Variants in SAFB2 observed in about 807,000 individuals in gnomAD.
SAFB2 encodes the protein scaffold attachment factor B2.
In SAFB2, 32 loss-of-function variants were observed where a neutral mutation model predicts 100.6. The observed-to-expected ratio is 0.32, with a 90% CI of 0.24 to 0.43. SAFB2 has a LOEUF of 0.43. Among genes scored for constraint, SAFB2 ranks in the 20% least tolerant of loss-of-function variants. The pLI, the probability that SAFB2 is intolerant of heterozygous loss-of-function variation, is 1.00. For synonymous variants in SAFB2, 500 were observed against 439.4 expected (o/e 1.14, Z -1.72); for missense variants, 1,185 against 1,163.4 (o/e 1.02, Z -0.27).
intron 18 of SAFB2, 72 bp from the exon 19 acceptor site, chr19:5,588,052 C>T (rs1191837907): frequency 2.2e-6 from 3 of 1,373,898 alleles, no homozygotes; most frequent in Non-Finnish European, 2.0e-6. Flanking sequence ...GGCGCACCCA[C>T]CCTGACCTCA....
chr19:5,602,001 G>C (rs1474999805), intron 11 of SAFB2, among the ~76,000 whole-genome samples: 2 of 152,162 alleles, frequency 1.3e-5, no homozygotes, highest in African/African-American at 4.8e-5. Flanking sequence ...GCAAAGGCTA[G>C]CCCCTCTTCT....
In SAFB2 at chr19:5,592,873, T is replaced by G. The variant is rs201770103; in HGVS notation, c.2222A>C (p.Tyr741Ser). ...PYDLDRRDDA[Y>S]WPEGKRVAME... ...TGCCACACGCTTTCCTTCTGGCCAA[T>G]AGGCATCATCTCGTCTGTTGGTTTT... Residue 741 changes from tyrosine (Y) to serine (S), a missense_variant, in exon 16 of 21, where the codon TAT (tyrosine) becomes TCT (serine). Physicochemically the swap from Tyr to Ser is moderately radical, Grantham distance 144. This residue lies in a region of SAFB2 where 740 missense variants were observed against 687.1 expected (regional missense o/e 1.08). Transcript: ENST00000252542. 102 of 1,614,058 alleles carry G rather than the reference T, an allele frequency of 6.3e-5. No individual in the cohort carries two copies. The highest frequency in any genetic ancestry group is 3.4e-6 in the Non-Finnish European group (4 of 1,179,958).
At chr19:5,602,905 A>ACC (rs1157478969) in intron 11 of SAFB2, among the ~76,000 whole-genome samples, 100 of 140,088 alleles carry the variant, frequency 7.1e-4, no homozygotes, top group African/African-American at 2.5e-3. Context: ...TAGAGGGCTC[A>ACC]CCGCCCCCCC....
At chr19:5,620,331 T>A (rs1189119672) in intron 2 of SAFB2, among the ~76,000 whole-genome samples, 2 of 152,218 alleles carry the variant, frequency 1.3e-5, no homozygotes, top group African/African-American at 4.8e-5. Context: ...GCACTGATCC[T>A]CCACTGCCTG....
At chr19:5,602,576 G>A (rs961059399) in intron 11 of SAFB2, among the ~76,000 whole-genome samples, 1 of 150,286 alleles carries the variant, frequency 6.7e-6, no homozygotes, top group Non-Finnish European at 1.5e-5. Flanking sequence ...TCCCAGCCTT[G>A]CCGTTTCCCA....
chr19:5,587,381 T>A lies in SAFB2; in HGVS notation c.2724A>T (p.Gln908His), dbSNP rs773375061. Reference sequence around the variant, plus strand: ...CCACGTGGCCCTGGGAATGTCCACCTTGTGCAAAGCCGCCTCGCCTAGGAA... The same window carrying A: ...CCACGTGGCCCTGGGAATGTCCACCATGTGCAAAGCCGCCTCGCCTAGGAA... Reference protein sequence around the residue: ...GGVAGRGGFAQGGHSQGHVVP... With the variant: ...GGVAGRGGFAHGGHSQGHVVP... The change falls in exon 21 of 21, where the codon CAA becomes CAT. Residue 908 changes from glutamine to histidine, a missense_variant. By Grantham distance (24) the Gln-to-His change is conservative. Transcript: ENST00000252542. The surrounding 1 kb of genome is among the most constrained non-coding windows in gnomAD (Gnocchi z 4.9). 6.2e-7 allele frequency: 1 copy of A among 1,612,606 alleles called. No individual in the cohort carries two copies. The highest frequency in any genetic ancestry group is 2.2e-5 in the East Asian group (1 of 44,842).
Position 5,590,069 on chromosome 19 carries a change from G to A in SAFB2, c.2525+209C>T, listed in dbSNP as rs149626831. On this transcript the variant is annotated intron_variant, in intron 18 of 20. Coordinates refer to ENST00000252542, the MANE Select transcript of SAFB2 (RefSeq NM_014649.3). ...GGGGATGGGCCATTCTGGGCGACCTGGACAGCTCCATCCCTGAAAGCCTGT... is the reference window on the plus strand; with the variant it reads ...GGGGATGGGCCATTCTGGGCGACCTAGACAGCTCCATCCCTGAAAGCCTGT... 6.8e-3 allele frequency among the ~76,000 whole-genome samples: 1,042 copies of A among 152,274 alleles called. 8 individuals are homozygous for A. The highest frequency in any genetic ancestry group is 0.024 in the African/African-American group (1,011 of 41,548).
intron 9 of SAFB2, among the ~76,000 whole-genome samples, chr19:5,607,623 C>T (rs1473234971): frequency 6.6e-6 from 1 of 152,214 alleles, no homozygotes; most frequent in Non-Finnish European, 1.5e-5. Context: ...AATAAACAAA[C>T]ATGAACAGAA....
chr19:5,595,826 G>A (rs2052525169), intron 13 of SAFB2, among the ~76,000 whole-genome samples: 1 of 152,248 alleles, frequency 6.6e-6, no homozygotes, highest in African/African-American at 2.4e-5. Context: ...AGGCCTCTCA[G>A]AGCCACGGGC....
At position 5,595,431 on chromosome 19, in the gene SAFB2, T is replaced by C; in HGVS notation, c.1849A>G (p.Ile617Val). 2 of 1,613,830 alleles carry C rather than the reference T, an allele frequency of 1.2e-6. No homozygotes were observed. Among genetic ancestry groups the C allele is most frequent in the Non-Finnish European group, 1.7e-6 (2 of 1,179,976 alleles). The change falls in exon 14 of 21, where the codon ATC (isoleucine) becomes GTC (valine). Residue 617 changes from isoleucine (I) to valine (V), a missense_variant. Physicochemically the swap from Ile to Val is conservative, Grantham distance 29. Around this residue, in one of 3 missense-constraint regions of SAFB2, gnomAD observed 740 missense variants for 687.1 expected, o/e 1.08. Coordinates refer to ENST00000252542, the MANE Select transcript of SAFB2 (RefSeq NM_014649.3). ...EKRDILSFDK[I>V]KEQRERERQR... ...CGCTCTCTCTCCCTTTGTTCTTTGA[T>C]TTTATCAAACGACAAGATGTCTCTC... is the stretch of plus-strand genomic sequence containing the variant.
Position 5,622,678 on chromosome 19 carries a change from G to C in SAFB2, c.38C>G (p.Pro13Arg). ...GCCCGGGCCGAGAGAAGCCGTGCCA[G>C]GGCCCGAGTCGCCCGACCCGGGCAG... ...ETLPGSGDSG[P>R]GTASLGPGVA... Residue 13 changes from proline (P) to arginine (R), a missense_variant, in exon 1 of 21, where the codon CCT becomes CGT. Pro to Arg is a moderately radical substitution (Grantham distance 103). This residue lies in a region of SAFB2 where 351 missense variants were observed against 341.2 expected (regional missense o/e 1.03). Coordinates refer to ENST00000252542, the MANE Select transcript of SAFB2 (RefSeq NM_014649.3). The C allele has an allele frequency of 1.2e-6, 2 of 1,607,614 alleles. No homozygotes were observed. The highest frequency in any genetic ancestry group is 1.7e-6 in the Non-Finnish European group (2 of 1,178,842).
intron 9 of SAFB2, among the ~76,000 whole-genome samples, chr19:5,608,258 G>A (rs373378570): frequency 6.6e-6 from 1 of 152,018 alleles, no homozygotes; most frequent in Admixed American, 6.6e-5. Flanking sequence ...ATCTAAACAC[G>A]GCCTCCCCAA....
rs980991448 is a variant in SAFB2 at position 5,592,886 on chromosome 19, G to T, written c.2209C>A (p.Arg737=). The T allele has an allele frequency of 1.2e-6, 2 of 1,613,750 alleles. No individual in the cohort carries two copies. Among genetic ancestry groups the T allele is most frequent in the Non-Finnish European group, 1.7e-6 (2 of 1,179,768 alleles). Residue 737 remains arginine (R), a splice_region_variant and synonymous_variant, in exon 16 of 21, where the codon CGA becomes AGA. Coordinates refer to ENST00000252542, the MANE Select transcript of SAFB2 (RefSeq NM_014649.3). The part of the protein sequence containing the change: ...PGRRPYDLDR[R]DDAYWPEGKR... ...CCTTCTGGCCAATAGGCATCATCTCGTCTGTTGGTTTTTATTTTAAAAGAA... is the reference window on the plus strand; with the variant it reads ...CCTTCTGGCCAATAGGCATCATCTCTTCTGTTGGTTTTTATTTTAAAAGAA...
chr19:5,590,286 AG>A lies in SAFB2; in HGVS notation c.2516del (p.Pro839LeufsTer16). The A allele has an allele frequency of 1.3e-6, 2 of 1,578,502 alleles. No homozygotes were observed. The highest frequency in any genetic ancestry group is 1.7e-6 in the Non-Finnish European group (2 of 1,161,882). On this transcript the variant is annotated frameshift_variant, in exon 18 of 21. Coordinates refer to ENST00000252542, the MANE Select transcript of SAFB2 (RefSeq NM_014649.3). LOFTEE classifies it high-confidence loss of function. ...GGGGCTCACCCACTAACCTGGGGGG[AG>A]GGGGCAGCCCCCGGCCTTCACTCAG... ...KRLSEGRGLPPPPRGGRDWGE... is the reference protein window; with the variant it reads ...KRLSEGRGLPXPPRGGRDWGE...
intron 4 of SAFB2, among the ~76,000 whole-genome samples, chr19:5,615,047 C>A (rs1417852147): frequency 6.6e-6 from 1 of 151,828 alleles, no homozygotes; most frequent in African/African-American, 2.4e-5. Flanking sequence ...CCTATCTCTA[C>A]CAAAAATATA....
At chr19:5,607,345 A>G (rs1171566009) in intron 9 of SAFB2, among the ~76,000 whole-genome samples, 1 of 152,240 alleles carries the variant, frequency 6.6e-6, no homozygotes, top group East Asian at 1.9e-4. Context: ...GTCAAAGCCA[A>G]TAAAATATTG....
chr19:5,609,123 T>C (rs1330070016), intron 9 of SAFB2, among the ~76,000 whole-genome samples: 1 of 148,152 alleles, frequency 6.7e-6, no homozygotes, highest in East Asian at 2.0e-4. Flanking sequence ...TTTCAAACAG[T>C]GGAATCATTT....
At chr19:5,592,563 T>C (rs1431367391) in intron 16 of SAFB2, among the ~76,000 whole-genome samples, 184 bp downstream of exon 16, 1 of 152,160 alleles carries the variant, frequency 6.6e-6, no homozygotes, top group Non-Finnish European at 1.5e-5. Flanking sequence ...TCCTCTGAGG[T>C]AAGCTGGGGA....
At position 5,587,270 on chromosome 19, in the gene SAFB2, C is replaced by G; in HGVS notation, c.2835G>C (p.Pro945=). ...AGTAGCGGCGGGTGAAGTGGGGGTA[C>G]GGGGGGGGATGAGGGTGTGGGTGAG... The part of the protein sequence containing the change: ...RVPHPHPHPP[P]YPHFTRRY Residue 945 remains proline, a synonymous_variant, in exon 21 of 21, where the codon CCG becomes CCC. Transcript: ENST00000252542. The surrounding 1 kb of genome is among the most constrained non-coding windows in gnomAD (Gnocchi z 4.9). 1 of 1,607,364 alleles carries G rather than the reference C, an allele frequency of 6.2e-7. No individual in the cohort carries two copies. Among genetic ancestry groups the G allele is most frequent in the Non-Finnish European group, 8.5e-7 (1 of 1,176,992 alleles).
Sources: allele counts gnomAD v4.1 joint callset (sites outside exome capture counted in the v4.1 genomes callset), GRCh38; gene constraint gnomAD v4.1.1; regional missense constraint gnomAD v4.1.1; non-coding constraint Gnocchi (gnomAD v3.1); transcripts MANE v1.5; gene names NCBI Gene and HGNC (gene_info 2026-07-23, HGNC 2026-07-21).